The following PLCB1 variants were observed in gnomAD, a reference collection of about 807,000 sequenced individuals.
PLCB1 encodes the protein 1-phosphatidylinositol 4,5-bisphosphate phosphodiesterase beta-1.
PLCB1 carries 46 observed loss-of-function variants against 161.8 expected under a neutral mutation model. That is an observed-to-expected ratio of 0.28 (90% CI 0.22 to 0.36). The LOEUF (loss-of-function observed/expected upper bound fraction) is 0.36, where lower values mean the gene tolerates loss of function less well. Among genes scored for constraint, PLCB1 ranks in the 10% least tolerant of loss-of-function variants. The probability of loss-of-function intolerance (pLI) is 1.00; values close to 1 mark genes in which losing one functional copy is unlikely to be tolerated. For synonymous variants in PLCB1, 517 were observed against 503.7 expected (o/e 1.03, Z -0.35); for missense variants, 1,016 against 1,472.5 (o/e 0.69, Z 5.07).
At chr20:8,806,013 A>T (rs1312234625) in intron 31 of PLCB1, among the ~76,000 whole-genome samples, 1 of 152,196 alleles carries the variant, frequency 6.6e-6, no homozygotes, top group Non-Finnish European at 1.5e-5. Context: ...CCTCCACAAG[A>T]TCGTGGCTAA....
intron 9 of PLCB1, among the ~76,000 whole-genome samples, chr20:8,674,105 G>A (rs929413169): frequency 6.6e-6 from 1 of 152,078 alleles, no homozygotes; most frequent in Non-Finnish European, 1.5e-5. Flanking sequence ...TTCCTTCAAG[G>A]GAAACACAAA....
chr20:8,794,321 G>A (rs184277589), intron 31 of PLCB1, among the ~76,000 whole-genome samples: 168 of 152,324 alleles, frequency 1.1e-3, no homozygotes, highest in Admixed American at 3.0e-3. Flanking sequence ...TTTATGTTTA[G>A]AGATTGCAGT....
At chr20:8,223,388 C>T (rs1979517999) in intron 2 of PLCB1, among the ~76,000 whole-genome samples, 1 of 152,254 alleles carries the variant, frequency 6.6e-6, no homozygotes, top group African/African-American at 2.4e-5. Flanking sequence ...TTGGAGGAAT[C>T]AAAATTGAAC....
intron 3 of PLCB1, among the ~76,000 whole-genome samples, chr20:8,458,692 C>T (rs1981436994): frequency 6.6e-6 from 1 of 152,114 alleles, no homozygotes; most frequent in Non-Finnish European, 1.5e-5. Flanking sequence ...ATTTACATTA[C>T]CTGTCTGGGA....
chr20:8,308,448 C>T (rs1360125569), intron 2 of PLCB1, among the ~76,000 whole-genome samples: 3 of 151,586 alleles, frequency 2.0e-5, no homozygotes, highest in African/African-American at 7.3e-5. Context: ...GAAACCCTCT[C>T]TCTAATAAAA....
chr20:8,827,807 C>T (rs1985781085), intron 31 of PLCB1, among the ~76,000 whole-genome samples: 2 of 152,200 alleles, frequency 1.3e-5, no homozygotes. Flanking sequence ...TATTTTAGAG[C>T]ACATGAAAAT....
intron 4 of PLCB1, among the ~76,000 whole-genome samples, chr20:8,632,042 T>TTTTTGG (rs1988610915): frequency 7.0e-5 from 5 of 71,696 alleles, no homozygotes; most frequent in African/African-American, 2.2e-4. Flanking sequence ...TTGCTTTTTT[T>TTTTTGG]TTTTTTTTTT....
chr20:8,274,054 A>C (rs1224077089), intron 2 of PLCB1, among the ~76,000 whole-genome samples: 1 of 152,142 alleles, frequency 6.6e-6, no homozygotes, highest in Non-Finnish European at 1.5e-5. Flanking sequence ...GAGGCAGAAG[A>C]AACTAGCTGG....
Position 8,370,260 on chromosome 20 carries a change from A to G in PLCB1, c.178-1122A>G, listed in dbSNP as rs1986864495. On this transcript the variant is annotated intron_variant, in intron 2 of 31. Coordinates refer to ENST00000338037, the MANE Select transcript of PLCB1 (RefSeq NM_015192.4). ...GCAACCTGTGTGTGTCACAAACCTC[A>G]TGGCTCAGTCTCCTTAGCCAGACAT... is the stretch of plus-strand genomic sequence containing the variant. Among the ~76,000 whole-genome samples the G allele has an allele frequency of 4.6e-5, 7 of 152,290 alleles. No individual in the cohort carries two copies. The South Asian group carries it at 1.4e-3, about 32-fold the overall frequency.
chr20:8,517,634 CA>C (rs1261568427), intron 3 of PLCB1, among the ~76,000 whole-genome samples: 6 of 152,294 alleles, frequency 3.9e-5, no homozygotes, highest in South Asian at 4.1e-4. Context: ...CTCTGGGCCT[CA>C]ATCCCCTGTA....
intron 2 of PLCB1, among the ~76,000 whole-genome samples, chr20:8,161,107 C>G (rs575363682): frequency 1.3e-5 from 2 of 152,020 alleles, no homozygotes; most frequent in Admixed American, 1.3e-4. Flanking sequence ...TTATCCTTGC[C>G]AGACACAATT....
chr20:8,413,283 G>T (rs925241091), intron 3 of PLCB1, among the ~76,000 whole-genome samples: 2 of 152,140 alleles, frequency 1.3e-5, no homozygotes, highest in African/African-American at 4.8e-5. Context: ...ATTTAGAATT[G>T]TCAAGTATTA....
chr20:8,411,640 G>A (rs1208127607), intron 3 of PLCB1, among the ~76,000 whole-genome samples: 1 of 152,036 alleles, frequency 6.6e-6, no homozygotes, highest in African/African-American at 2.4e-5. Flanking sequence ...AAACTATTGG[G>A]GTCTATACAG....
At chr20:8,441,141 T>C (rs1394745012) in intron 3 of PLCB1, among the ~76,000 whole-genome samples, 1 of 152,188 alleles carries the variant, frequency 6.6e-6, no homozygotes, top group Non-Finnish European at 1.5e-5. Context: ...CCAATTATTA[T>C]TGATATCTAC....
chr20:8,268,210 T>C (rs1982081970), intron 2 of PLCB1, among the ~76,000 whole-genome samples: 1 of 151,970 alleles, frequency 6.6e-6, no homozygotes, highest in African/African-American at 2.4e-5. Context: ...AGTGAGAACA[T>C]GCGGTGTTTG....
chr20:8,365,298 T>C lies in PLCB1; in HGVS notation c.178-6084T>C, dbSNP rs189595834. 4.9e-4 allele frequency among the ~76,000 whole-genome samples: 74 copies of C among 152,316 alleles called. 1 individual carries two copies. The East Asian group carries it at 0.013, about 28-fold the overall frequency. On this transcript the variant is annotated intron_variant, in intron 2 of 31. Coordinates refer to ENST00000338037, the MANE Select transcript of PLCB1 (RefSeq NM_015192.4). ...TTCTGCCTCCTACTTCTATGAAATT[T>C]GCACTATATTAAATCTAAGTGTGTT... is the stretch of plus-strand genomic sequence containing the variant.
intron 4 of PLCB1, among the ~76,000 whole-genome samples, chr20:8,631,388 T>A (rs191558814): frequency 2.0e-5 from 3 of 152,326 alleles, no homozygotes; most frequent in African/African-American, 7.2e-5. Flanking sequence ...AAAAACACCA[T>A]GTGAACCAAA....
chr20:8,460,894 C>T (rs532343452), intron 3 of PLCB1, among the ~76,000 whole-genome samples: 13 of 152,216 alleles, frequency 8.5e-5, no homozygotes, highest in African/African-American at 3.1e-4. Flanking sequence ...GTGCTGAGAG[C>T]ACACTTTGAG....
intron 3 of PLCB1, among the ~76,000 whole-genome samples, chr20:8,497,641 A>G (rs960024262): frequency 6.6e-6 from 1 of 152,156 alleles, no homozygotes; most frequent in African/African-American, 2.4e-5. Flanking sequence ...ATAGTTTTAG[A>G]TGATTTTATG....
Sources: gnomAD v4.1 joint callset for allele counts (sites outside exome capture counted in the v4.1 genomes callset) on GRCh38, gnomAD v4.1.1 for gene constraint, MANE v1.5 for transcripts, NCBI Gene and HGNC (gene_info 2026-07-23, HGNC 2026-07-21) for gene names.